The following ESR1 variants were observed in gnomAD, a reference collection of about 807,000 sequenced individuals.
The protein encoded by ESR1 is estrogen receptor.
In ESR1, 12 loss-of-function variants were observed where a neutral mutation model predicts 52.7. The observed-to-expected ratio is 0.23, with a 90% CI of 0.15 to 0.37. The LOEUF (loss-of-function observed/expected upper bound fraction) is 0.37, where lower values mean the gene tolerates loss of function less well. Ranked by LOEUF, ESR1 falls within the 10% of genes least tolerant of loss-of-function variation. The pLI is 1.00. For synonymous variants in ESR1, 305 were observed against 316.8 expected, an observed-to-expected ratio of 0.96 and a Z score of 0.39; for missense variants, 584 against 779.7, an observed-to-expected ratio of 0.75 and a Z score of 2.99.
At chr6:151,803,766 A>G (rs1777503900), upstream of ESR1, among the ~76,000 whole-genome samples, 1 of 152,148 alleles carries the variant, frequency 6.6e-6, no homozygotes, top group African/African-American at 2.4e-5. Context: ...AAGGCTTAGG[A>G]ATTGCCTCTT....
chr6:151,711,224 CT>C (rs772347500), intron 2 of ESR1, among the ~76,000 whole-genome samples: 511 of 142,214 alleles, frequency 3.6e-3, no homozygotes, highest in Admixed American at 7.1e-3. Context: ...TGTTTCCTGA[CT>C]TTTTTTTTTT....
chr6:151,835,131 G>C (rs1016572172), intron 1 of ESR1, among the ~76,000 whole-genome samples: 1 of 152,112 alleles, frequency 6.6e-6, no homozygotes, highest in Non-Finnish European at 1.5e-5. Context: ...GGGTGCTCTA[G>C]GCACAGAGAA....
intron 4 of ESR1, among the ~76,000 whole-genome samples, chr6:151,977,441 C>CA (rs200819406): frequency 0.71 from 92,031 of 130,420 alleles, 34,148 homozygotes; most frequent in Non-Finnish European, 0.85. Flanking sequence ...CTGTGTAGTG[C>CA]AAAAAAAAAA....
intron 1 of ESR1, among the ~76,000 whole-genome samples, chr6:151,668,439 T>A (rs924835314): frequency 6.6e-6 from 1 of 152,084 alleles, no homozygotes; most frequent in Non-Finnish European, 1.5e-5. Context: ...CCCGCCACCA[T>A]GCCTGGCTAA....
chr6:151,987,688 G>A (rs1259010396), intron 4 of ESR1, among the ~76,000 whole-genome samples: 1 of 152,100 alleles, frequency 6.6e-6, no homozygotes, highest in African/African-American at 2.4e-5. Context: ...GGGATTACAA[G>A]CGTAAGCCAC....
intron 4 of ESR1, among the ~76,000 whole-genome samples, chr6:151,964,999 A>T (rs1487586588): frequency 6.6e-6 from 1 of 152,188 alleles, no homozygotes; most frequent in East Asian, 1.9e-4. Context: ...AAAATGATAA[A>T]GAAGTTTATG....
intron 3 of ESR1, among the ~76,000 whole-genome samples, chr6:151,884,573 A>T (rs578008895): frequency 1.0e-3 from 155 of 152,316 alleles, no homozygotes; most frequent in Non-Finnish European, 8.1e-4. Flanking sequence ...TTCACTGAAG[A>T]TCTATTGTAA....
intron 2 of ESR1, among the ~76,000 whole-genome samples, chr6:151,759,748 A>AT (rs1360150828): frequency 6.6e-6 from 1 of 152,112 alleles, no homozygotes; most frequent in Non-Finnish European, 1.5e-5. Flanking sequence ...TTTTACAAAT[A>AT]TTTTTGCGGA....
chr6:151,877,999 G>A lies in ESR1; in HGVS notation c.644-2656G>A, dbSNP rs149832866. 1.0e-4 allele frequency among the ~76,000 whole-genome samples: 15 copies of A among 150,572 alleles called. No individual in the cohort carries two copies. The East Asian group carries it at 2.9e-3, about 29-fold the overall frequency. On this transcript the variant is annotated intron_variant, in intron 2 of 7. Transcript: ENST00000206249. ...TAATATTTAATTTTTTTTTTTTGTA[G>A]AGACAAGATATTGTTATGTTGCCCA...
chr6:152,046,127 G>C (rs1327880013), intron 5 of ESR1, among the ~76,000 whole-genome samples: 1 of 152,206 alleles, frequency 6.6e-6, no homozygotes, highest in Non-Finnish European at 1.5e-5. Context: ...ATTCTGTTTT[G>C]TAGTTGCAGC....
intron 5 of ESR1, among the ~76,000 whole-genome samples, chr6:152,026,079 G>A (rs2044124578): frequency 6.6e-6 from 1 of 151,918 alleles, no homozygotes; most frequent in South Asian, 2.1e-4. Context: ...AGAGAATACT[G>A]CTTGTATTAC....
chr6:151,831,019 A>G (rs1463879145), intron 1 of ESR1, among the ~76,000 whole-genome samples: 1 of 152,236 alleles, frequency 6.6e-6, no homozygotes, highest in Non-Finnish European at 1.5e-5. Context: ...TCTCAGCTCC[A>G]TTAACTCTGT....
rs796207855 is a variant in ESR1, at chr6:152,054,063, C to T, written c.1236-6928C>T. On this transcript the variant is annotated intron_variant, in intron 5 of 7. Transcript: ENST00000206249. The stretch of plus-strand genomic sequence containing the variant: ...TTAACAAGCCTATTTGAAAAGATAC[C>T]CAATCTTAGCAAGTGAAAAAAAAAC... Among the ~76,000 whole-genome samples the T allele has an allele frequency of 1.1e-4, 16 of 151,760 alleles. No individual in the cohort carries two copies. The East Asian group carries it at 2.7e-3, about 26-fold the overall frequency.
intron 2 of ESR1, among the ~76,000 whole-genome samples, chr6:151,734,587 G>A (rs201296578): frequency 6.6e-6 from 1 of 152,064 alleles, no homozygotes; most frequent in Non-Finnish European, 1.5e-5. Context: ...GCACTTTTTG[G>A]CATCTTGCTG....
chr6:151,782,234 AT>A (rs1329987350), intron 2 of ESR1, among the ~76,000 whole-genome samples: 2 of 152,204 alleles, frequency 1.3e-5, no homozygotes, highest in South Asian at 2.1e-4. Context: ...ATTTAAGAGT[AT>A]TTTTTTATTT....
At chr6:152,128,074 C>T (rs1383768180) in exon 7 of ESR1, 1 of 152,142 alleles carries the variant, frequency 6.6e-6, no homozygotes, top group Non-Finnish European at 1.5e-5. Flanking sequence ...ATTCCTTTGC[C>T]TTGCTGGAAA....
chr6:151,992,970 A>G (rs1472306485), intron 4 of ESR1, among the ~76,000 whole-genome samples: 1 of 152,182 alleles, frequency 6.6e-6, no homozygotes, highest in African/African-American at 2.4e-5. Flanking sequence ...CGCTAATTTC[A>G]GTAATTTTGG....
intron 6 of ESR1, among the ~76,000 whole-genome samples, chr6:152,119,787 G>C (rs1157257859): frequency 6.6e-6 from 1 of 152,194 alleles, no homozygotes; most frequent in African/African-American, 2.4e-5. Flanking sequence ...CGCTGGGTGC[G>C]GGTGAGGATG....
intron 5 of ESR1, among the ~76,000 whole-genome samples, chr6:152,032,043 A>G (rs1009587995): frequency 1.3e-5 from 2 of 152,230 alleles, no homozygotes; most frequent in African/African-American, 4.8e-5. Context: ...CAAAAACCAC[A>G]TGATTATCTC....
Sources: allele counts gnomAD v4.1 joint callset (sites outside exome capture counted in the v4.1 genomes callset), GRCh38; gene constraint gnomAD v4.1.1; transcripts MANE v1.5; gene names NCBI Gene and HGNC (gene_info 2026-07-23, HGNC 2026-07-21).